NDUFAF6: variants seen among roughly 807,000 people sequenced by gnomAD.
NDUFAF6 encodes the protein NADH dehydrogenase (ubiquinone) complex I, assembly factor 6.
In NDUFAF6, 45 loss-of-function variants were observed where a neutral mutation model predicts 40.8. That is an observed-to-expected ratio of 1.10 (90% confidence interval 0.87 to 1.42). The LOEUF is 1.42. Ranked by LOEUF, NDUFAF6 falls within the 40% of genes most tolerant of loss-of-function variation. NDUFAF6 has a pLI of 0.00. For synonymous variants in NDUFAF6, 185 were observed against 155.9 expected, an observed-to-expected ratio of 1.19 and a Z score of -1.39; for missense variants, 435 against 418.5, an observed-to-expected ratio of 1.04 and a Z score of -0.34.
At chr8:94,954,087 G>A (rs1809762800), upstream of NDUFAF6, among the ~76,000 whole-genome samples, 1 of 152,086 alleles carries the variant, frequency 6.6e-6, no homozygotes, top group African/African-American at 2.4e-5. Context: ...TGTTTGAGAT[G>A]GAATCTCGCT....
intron 1 of NDUFAF6, chr8:94,925,953 TA>T: frequency 6.5e-6 from 1 of 152,704 alleles, no homozygotes; most frequent in South Asian, 2.1e-4. Context: ...AGTATAAAGA[TA>T]AAAGAATCTG....
At chr8:94,995,810 C>T (rs1826402633) in intron 2 of NDUFAF6, among the ~76,000 whole-genome samples, 1 of 152,136 alleles carries the variant, frequency 6.6e-6, no homozygotes, top group African/African-American at 2.4e-5. Context: ...CGGAGTCTCG[C>T]TCTGTCGCCC....
At position 95,058,654 on chromosome 8, in the gene NDUFAF6, T is replaced by TTTC. The variant is rs1832470339; in HGVS notation, c.*717_*718insTTC. ...AACAAAATTGTACTGAGAAAGTTTG[T>TTTC]ATAAGTGATATGAACGGTATTGTAT... On this transcript the variant is annotated 3_prime_UTR_variant, in exon 9 of 9. Transcript: ENST00000396124. The TTTC allele has an allele frequency of 9.3e-7, 1 of 1,077,156 alleles. No individual in the cohort carries two copies. Among genetic ancestry groups the TTTC allele is most frequent in the Non-Finnish European group, 1.1e-6 (1 of 890,702 alleles). The allele number at this position is 1,077,156 out of a possible 1,614,324, so 66.7% of individuals were successfully genotyped here.
Position 95,025,137 on chromosome 8 carries a change from G to A in NDUFAF6, c.129G>A (p.Gly43=). ...GGCTGCCCGGGCCGGAGGTGTCTGG[G>A]CGGAGCGTGGCTGCGGCCAGCGGAC... The part of the protein sequence containing the change: ...MRRLPGPEVS[G]RSVAAASGPG... Residue 43 remains glycine, a synonymous_variant, in exon 1 of 9, where the codon GGG becomes GGA. Coordinates refer to ENST00000396124, the MANE Select transcript of NDUFAF6 (RefSeq NM_152416.4). 6.7e-7 allele frequency: 1 copy of A among 1,485,468 alleles called. No individual in the cohort carries two copies. Among genetic ancestry groups the A allele is most frequent in the South Asian group, 1.3e-5 (1 of 78,222 alleles). The allele number at this position is 1,485,468 out of a possible 1,614,324, so 92.0% of individuals were successfully genotyped here. A position where few individuals can be genotyped will look rare whatever the true frequency, so the allele number is the denominator to read the frequency against.
At chr8:95,070,030 T>C (rs1338149804) in intron 9 of NDUFAF6, among the ~76,000 whole-genome samples, 9 of 151,664 alleles carry the variant, frequency 5.9e-5, no homozygotes, top group African/African-American at 2.2e-4. Context: ...ACTCATGAAC[T>C]GTGTACCTAG....
chr8:94,999,411 C>T (rs188127445), intron 2 of NDUFAF6, among the ~76,000 whole-genome samples: 1,534 of 152,014 alleles, frequency 0.01, 29 homozygotes, highest in African/African-American at 0.035. Context: ...CGTGAGCTGC[C>T]ACACCCAGCC....
chr8:95,076,063 T>A (rs1833011839), exon 10 of NDUFAF6: 1 of 168,894 alleles, frequency 5.9e-6, no homozygotes, highest in Non-Finnish European at 1.3e-5. Flanking sequence ...AATTTTTACA[T>A]GAGGTCTCAA....
intron 9 of NDUFAF6, among the ~76,000 whole-genome samples, chr8:95,070,797 G>C (rs958583677): frequency 6.6e-6 from 1 of 152,062 alleles, no homozygotes; most frequent in Admixed American, 6.6e-5. Flanking sequence ...CACTTCTATG[G>C]GTCTTTGCTT....
intron 2 of NDUFAF6, among the ~76,000 whole-genome samples, chr8:95,092,172 C>G (rs1381879701): frequency 7.2e-6 from 1 of 138,614 alleles, no homozygotes; most frequent in Non-Finnish European, 1.5e-5. Context: ...TTAAAATTCC[C>G]CTTTGACACA....
upstream of NDUFAF6, among the ~76,000 whole-genome samples, chr8:95,099,533 C>T (rs1809585914): frequency 6.6e-6 from 1 of 151,458 alleles, no homozygotes; most frequent in Non-Finnish European, 1.5e-5. Flanking sequence ...GTCCCTTGAG[C>T]CCAGGAGTTT....
rs769426063 is a variant in NDUFAF6 at position 95,032,047 on chromosome 8, C to G, written c.250C>G (p.Arg84Gly). ...LCSLLLPAES[R>G]SSVFALRAFN... Reference sequence around the variant, plus strand: ...CTCCCTGCTGCTCCCTGCAGAATCCCGAAGCTCTGTTTTTGCACTGAGGGC... The same window carrying G: ...CTCCCTGCTGCTCCCTGCAGAATCCGGAAGCTCTGTTTTTGCACTGAGGGC... The change falls in exon 2 of 9, where the codon CGA (arginine) becomes GGA (glycine). Residue 84 changes from arginine to glycine, a missense_variant. Coordinates refer to ENST00000396124, the MANE Select transcript of NDUFAF6 (RefSeq NM_152416.4). 1.2e-6 allele frequency: 2 copies of G among 1,613,950 alleles called. No homozygotes were observed. The highest frequency in any genetic ancestry group is 1.7e-6 in the Non-Finnish European group (2 of 1,180,022).
intron 2 of NDUFAF6, among the ~76,000 whole-genome samples, chr8:95,005,960 C>T (rs1181958087): frequency 6.6e-6 from 1 of 151,850 alleles, no homozygotes; most frequent in Non-Finnish European, 1.5e-5. Flanking sequence ...ATTTTTAATT[C>T]AAATGATGAC....
At chr8:95,020,421 C>T (rs562510054), upstream of NDUFAF6, among the ~76,000 whole-genome samples, 217 of 152,292 alleles carry the variant, frequency 1.4e-3, no homozygotes, top group Non-Finnish European at 1.6e-3. Context: ...GTCTGATTTG[C>T]TCTTTCAGTC....
chr8:95,004,158 A>G (rs1035578812), intron 2 of NDUFAF6, among the ~76,000 whole-genome samples: 2 of 151,976 alleles, frequency 1.3e-5, no homozygotes, highest in African/African-American at 4.8e-5. Context: ...GTTTGAGCAG[A>G]GGAGGATGCC....
chr8:95,001,597 TGGTATTTTTTGCCCA>T (rs1826737752), intron 2 of NDUFAF6, among the ~76,000 whole-genome samples: 1 of 152,218 alleles, frequency 6.6e-6, no homozygotes, highest in South Asian at 2.1e-4. Flanking sequence ...TCATCACTTT[TGGTATTTTTTGCCCA>T]GGTATTTTTT....
At chr8:94,941,527 C>G (rs1821531310) in intron 1 of NDUFAF6, among the ~76,000 whole-genome samples, 1 of 152,222 alleles carries the variant, frequency 6.6e-6, no homozygotes, top group African/African-American at 2.4e-5. Flanking sequence ...CTCTTCTACT[C>G]TGTACTTCTT....
chr8:95,111,704 G>A (rs1424553980), intron 4 of NDUFAF6, among the ~76,000 whole-genome samples: 3 of 152,130 alleles, frequency 2.0e-5, no homozygotes, highest in Non-Finnish European at 4.4e-5. Context: ...GATCCACCAT[G>A]GCCAGCTGTC....
intron 1 of NDUFAF6, among the ~76,000 whole-genome samples, chr8:94,917,149 A>G (rs1450714705): frequency 6.6e-6 from 1 of 151,962 alleles, no homozygotes; most frequent in African/African-American, 2.4e-5. Flanking sequence ...AGCCACAAAT[A>G]ATAAACTTGG....
At chr8:94,909,369 A>AAAAAAAAAAAAAAC in intron 1 of NDUFAF6, among the ~76,000 whole-genome samples, 1 of 41,738 alleles carries the variant, frequency 2.4e-5, no homozygotes, top group Non-Finnish European at 5.7e-5. Flanking sequence ...AAAAAAAAAA[A>AAAAAAAAAAAAAAC]AAAAAAAAAA....
Sources: allele counts gnomAD v4.1 joint callset (sites outside exome capture counted in the v4.1 genomes callset), GRCh38; gene constraint gnomAD v4.1.1; transcripts MANE v1.5; gene names NCBI Gene and HGNC (gene_info 2026-07-23, HGNC 2026-07-21).